The following GDPD5 variants were observed in gnomAD, a reference collection of about 807,000 sequenced individuals.
GDPD5 encodes the protein glycerophosphodiester phosphodiesterase 2.
In GDPD5, 48 loss-of-function variants were observed where a neutral mutation model predicts 75.1. The ratio of observed to expected loss-of-function variants is 0.64; its 90% confidence interval spans 0.51 to 0.81. The LOEUF is 0.81. GDPD5 is among the 40% of genes least tolerant of loss of function. The pLI is 0.00. For synonymous variants in GDPD5, 336 were observed against 339.0 expected (o/e 0.99, Z 0.10); for missense variants, 706 against 822.6 (o/e 0.86, Z 1.73).
intron 2 of GDPD5, among the ~76,000 whole-genome samples, chr11:75,480,250 G>T (rs1282406233): frequency 6.6e-6 from 1 of 151,364 alleles, no homozygotes; most frequent in Non-Finnish European, 1.5e-5. Flanking sequence ...CAAGAAAATC[G>T]CTTAAACCTG....
intron 3 of GDPD5, among the ~76,000 whole-genome samples, chr11:75,468,547 C>A (rs1949576851): frequency 6.6e-6 from 1 of 152,250 alleles, no homozygotes; most frequent in Non-Finnish European, 1.5e-5. Context: ...CATTTACCTT[C>A]TCTGTGCCCC....
At chr11:75,512,606 G>A (rs181208390) in intron 1 of GDPD5, among the ~76,000 whole-genome samples, 1 of 152,282 alleles carries the variant, frequency 6.6e-6, no homozygotes, top group East Asian at 1.9e-4. Flanking sequence ...TGTTTTTAAT[G>A]GGATAGAGAG....
intron 1 of GDPD5, among the ~76,000 whole-genome samples, chr11:75,514,258 T>C (rs562659700): frequency 2.0e-5 from 3 of 152,338 alleles, no homozygotes; most frequent in South Asian, 4.1e-4. Context: ...AGCAGGACCC[T>C]ATCTGCTGTC....
chr11:75,496,022 G>A (rs964843776), intron 1 of GDPD5, among the ~76,000 whole-genome samples: 1 of 152,228 alleles, frequency 6.6e-6, no homozygotes, highest in Non-Finnish European at 1.5e-5. Context: ...CAGGGGCAGT[G>A]ATCACAACTT....
At chr11:75,441,061 C>CATG (rs1352006639) in intron 14 of GDPD5, 102 bp downstream of exon 14, 2 of 1,183,996 alleles carry the variant, frequency 1.7e-6, no homozygotes, top group African/African-American at 3.0e-5. Context: ...ATGCTAGAGA[C>CATG]CTCCCAGGGA....
At chr11:75,466,243 C>T (rs77111590) in intron 3 of GDPD5, among the ~76,000 whole-genome samples, 2,295 of 152,206 alleles carry the variant, frequency 0.015, 25 homozygotes, top group Middle Eastern at 0.034. Context: ...GAGCTGAAGC[C>T]GGAGGCCACA....
chr11:75,460,509 G>A (rs113040004), intron 4 of GDPD5, among the ~76,000 whole-genome samples: 80 of 152,000 alleles, frequency 5.3e-4, no homozygotes, highest in Middle Eastern at 3.4e-3. Context: ...ATGTGATCTC[G>A]GCTCACTGCA....
chr11:75,456,848 C>T (rs1439064559), intron 5 of GDPD5, 32 bp from the exon 6 acceptor site: 1 of 1,607,186 alleles, frequency 6.2e-7, no homozygotes, highest in East Asian at 2.2e-5. Flanking sequence ...GATTGTCAGG[C>T]CCGTGTGGGC....
At chr11:75,509,719 G>A (rs1017536112) in intron 1 of GDPD5, among the ~76,000 whole-genome samples, 1 of 152,088 alleles carries the variant, frequency 6.6e-6, no homozygotes, top group African/African-American at 2.4e-5. Flanking sequence ...TTGCTCTGTT[G>A]CCCAGGCTGG....
At chr11:75,522,707 C>T (rs1017299270) in intron 1 of GDPD5, among the ~76,000 whole-genome samples, 2 of 152,096 alleles carry the variant, frequency 1.3e-5, no homozygotes, top group African/African-American at 4.8e-5. Flanking sequence ...AGACAGGAGC[C>T]CCCACCTCCT....
intron 1 of GDPD5, among the ~76,000 whole-genome samples, chr11:75,495,617 T>C (rs192830971): frequency 1.3e-5 from 2 of 152,282 alleles, no homozygotes; most frequent in Admixed American, 1.3e-4. Flanking sequence ...ACAATGTAAA[T>C]ATGTACACAA....
chr11:75,525,011 G>A (rs2094988623), intron 1 of GDPD5, among the ~76,000 whole-genome samples, 199 bp downstream of exon 1: 1 of 152,210 alleles, frequency 6.6e-6, no homozygotes, highest in Admixed American at 6.5e-5. Context: ...GCTTAGGCGG[G>A]GCGGGGCGGG....
At chr11:75,505,221 A>C (rs1950371394) in intron 1 of GDPD5, among the ~76,000 whole-genome samples, 1 of 152,088 alleles carries the variant, frequency 6.6e-6, no homozygotes. Context: ...TTCACAGAAG[A>C]GGGGGCATTT....
chr11:75,444,380 G>A, intron 10 of GDPD5, 33 bp downstream of exon 10: 1 of 1,514,676 alleles, frequency 6.6e-7, no homozygotes, highest in South Asian at 1.1e-5. Context: ...TGTGGGAGGG[G>A]TAGAGGAACT....
intron 6 of GDPD5, chr11:75,452,684 G>A (rs965303178): frequency 1.3e-5 from 2 of 152,268 alleles, no homozygotes; most frequent in Admixed American, 6.5e-5. Flanking sequence ...CATAAAGCTG[G>A]GGCCAGTGCA....
chr11:75,457,775 T>A lies in GDPD5; in HGVS notation c.233A>T (p.Asn78Ile), dbSNP rs761648689. The change falls in exon 5 of 17, where the codon AAC (asparagine) becomes ATC (isoleucine). Residue 78 changes from asparagine to isoleucine, a missense_variant. By Grantham distance (149) the Asn-to-Ile change is moderately radical. Transcript: ENST00000336898. ...DYDEFNWYLY[N>I]RMGYWSDWPV... ...CCAGTCGCTCCAGTAGCCCATGCGG[T>A]TGTAGAGGTACCTGCCAGGAGGAGA... is the stretch of plus-strand genomic sequence containing the variant. The A allele has an allele frequency of 6.2e-7, 1 of 1,613,764 alleles. No homozygotes were observed. The highest frequency in any genetic ancestry group is 8.5e-7 in the Non-Finnish European group (1 of 1,179,826).
At chr11:75,477,952 G>T (rs143494341) in intron 2 of GDPD5, 157 bp from the exon 3 acceptor site, 5,355 of 393,920 alleles carry the variant, frequency 0.014, 71 homozygotes, top group Non-Finnish European at 0.02. Flanking sequence ...ACCCCTGCAG[G>T]TCCCCAAGGA....
chr11:75,462,904 G>A lies in GDPD5; in HGVS notation c.118-15C>T. 1 of 1,607,658 alleles carries A rather than the reference G, an allele frequency of 6.2e-7. No homozygotes were observed. Among genetic ancestry groups the A allele is most frequent in the South Asian group, 1.1e-5 (1 of 90,540 alleles). ...AGGCGCTCCCACTGGAAGAGCAGAG[G>A]AGGAGGGGATTAAGTGGGTCAGGGG... On this transcript the variant is annotated splice_polypyrimidine_tract_variant and intron_variant, in intron 3 of 16. Transcript: ENST00000336898.
chr11:75,523,819 C>G (rs1028865091), intron 1 of GDPD5, among the ~76,000 whole-genome samples: 2 of 152,252 alleles, frequency 1.3e-5, no homozygotes, highest in Non-Finnish European at 2.9e-5. Flanking sequence ...ATCCCCTAAC[C>G]CTTCCACCCC....
Sources: allele counts gnomAD v4.1 joint callset (sites outside exome capture counted in the v4.1 genomes callset), GRCh38; gene constraint gnomAD v4.1.1; transcripts MANE v1.5; gene names NCBI Gene and HGNC (gene_info 2026-07-23, HGNC 2026-07-21).